PRSS41: variants seen among roughly 807,000 people sequenced by gnomAD.
The protein encoded by PRSS41 is serine protease 41, also known as protease, serine 41.
PRSS41 carries 37 observed loss-of-function variants against 28.8 expected under a neutral mutation model. The ratio of observed to expected loss-of-function variants is 1.29; its 90% CI spans 0.99 to 1.69. The LOEUF is 1.69. Ranked by LOEUF, PRSS41 falls within the 40% of genes most tolerant of loss-of-function variation. PRSS41 has a pLI of 0.00. For synonymous variants in PRSS41, 195 were observed against 163.1 expected (o/e 1.20, Z -1.49); for missense variants, 431 against 400.7 (o/e 1.08, Z -0.65).
At chr16:2,801,071 T>C (rs1480372526) in intron 4 of PRSS41, among the ~76,000 whole-genome samples, 1 of 152,166 alleles carries the variant, frequency 6.6e-6, no homozygotes, top group Non-Finnish European at 1.5e-5. Flanking sequence ...ACTCCTGACC[T>C]CAGGTGAACT....
exon 6 of PRSS41, chr16:2,805,013 G>T: frequency 6.4e-7 from 1 of 1,569,904 alleles, no homozygotes; most frequent in Non-Finnish European, 8.6e-7. Context: ...CAATCGGCCT[G>T]GTGTCTACAC....
At chr16:2,800,439 G>A (rs2068978424) in intron 4 of PRSS41, among the ~76,000 whole-genome samples, 1 of 151,748 alleles carries the variant, frequency 6.6e-6, no homozygotes, top group African/African-American at 2.4e-5. Flanking sequence ...TCCTTGGGAG[G>A]CTGAGGCAGG....
intron 4 of PRSS41, among the ~76,000 whole-genome samples, chr16:2,801,199 A>G (rs2068983470): frequency 6.6e-6 from 1 of 151,972 alleles, no homozygotes; most frequent in African/African-American, 2.4e-5. Context: ...AGAACTGTCT[A>G]TTTCTCCCAC....
intron 4 of PRSS41, among the ~76,000 whole-genome samples, chr16:2,804,145 C>T (rs1172361515): frequency 6.6e-6 from 1 of 152,210 alleles, no homozygotes; most frequent in East Asian, 1.9e-4. Context: ...CATCTCCATT[C>T]TACAGATAGA....
At chr16:2,800,501 C>G (rs1275820661) in intron 4 of PRSS41, among the ~76,000 whole-genome samples, 1 of 143,284 alleles carries the variant, frequency 7.0e-6, no homozygotes, top group African/African-American at 2.6e-5. Flanking sequence ...CGAGATGGCA[C>G]CACTGCATTC....
exon 4 of PRSS41, chr16:2,799,339 C>G: frequency 6.4e-7 from 1 of 1,551,730 alleles, no homozygotes. Flanking sequence ...ACTTCCAGGC[C>G]AACTCCTTGG....
chr16:2,805,248 G>A (rs1311842723), exon 6 of PRSS41: 7 of 754,884 alleles, frequency 9.3e-6, no homozygotes, highest in Non-Finnish European at 1.5e-5. Flanking sequence ...ACTGCCTGCT[G>A]GATCAGATTC....
intron 4 of PRSS41, among the ~76,000 whole-genome samples, chr16:2,800,251 A>G (rs907989361): frequency 6.6e-6 from 1 of 152,188 alleles, no homozygotes; most frequent in South Asian, 2.1e-4. Context: ...ATATGGCATA[A>G]AAGATAAAAA....
At chr16:2,804,837 C>A in intron 5 of PRSS41, 77 bp from the exon 6 acceptor site, 2 of 1,147,208 alleles carry the variant, frequency 1.7e-6, no homozygotes, top group Non-Finnish European at 2.6e-6. Context: ...CCTAGCCCCA[C>A]AGCCCCTCCT....
chr16:2,801,981 ACCTC>A (rs2068990058), intron 4 of PRSS41, among the ~76,000 whole-genome samples: 2 of 135,220 alleles, frequency 1.5e-5, no homozygotes, highest in South Asian at 4.7e-4. Flanking sequence ...TGACCCCCCC[ACCTC>A]CCTCCCGGAC....
exon 6 of PRSS41, chr16:2,805,087 C>T: frequency 6.4e-7 from 1 of 1,551,840 alleles, no homozygotes; most frequent in East Asian, 2.4e-5. Flanking sequence ...CCAGGCCAAA[C>T]CCCTCCCAGC....
chr16:2,800,476 G>A (rs912783799), intron 4 of PRSS41, among the ~76,000 whole-genome samples: 1 of 146,474 alleles, frequency 6.8e-6, no homozygotes, highest in Non-Finnish European at 1.5e-5. Context: ...GTGAGGGGCA[G>A]AGGTTTCAGC....
chr16:2,804,923 G>T, exon 6 of PRSS41: 1 of 1,583,530 alleles, frequency 6.3e-7, no homozygotes. Context: ...GGGTGACTCA[G>T]GTGGACCCTT....
chr16:2,805,064 T>G lies in PRSS41; in HGVS notation c.850T>G (p.Ser284Ala), dbSNP rs139573477. The change falls in exon 6 of 6, where the codon TCC becomes GCC. Residue 284 changes from serine to alanine, a missense_variant. Physicochemically the swap from Ser to Ala is moderately conservative, Grantham distance 99 (BLOSUM62 1). Coordinates refer to ENST00000399677, the Ensembl canonical transcript of PRSS41. ...CTTCCACTGGATCCGGAGGGTGATG[T>G]CCCACAGTACACCCAGGCCAAACCC... 200 of 1,552,538 alleles carry G rather than the reference T, an allele frequency of 1.3e-4. No individual in the cohort carries two copies. In the African/African-American group the frequency reaches 2.5e-3, roughly 19 times the overall value.
intron 4 of PRSS41, among the ~76,000 whole-genome samples, chr16:2,802,369 C>G (rs2068994598): frequency 2.0e-5 from 3 of 151,076 alleles, no homozygotes; most frequent in African/African-American, 7.3e-5. Context: ...GGGATGGCGG[C>G]CGGGCGGAGA....
At chr16:2,800,021 T>C (rs895402198) in intron 4 of PRSS41, among the ~76,000 whole-genome samples, 2 of 152,246 alleles carry the variant, frequency 1.3e-5, no homozygotes, top group African/African-American at 4.8e-5. Flanking sequence ...GAGATATGCA[T>C]CATGAGGCAC....
intron 3 of PRSS41, 26 bp from the exon 4 acceptor site, chr16:2,799,259 TC>T (rs767419933): frequency 1.8e-4 from 285 of 1,549,056 alleles, no homozygotes; most frequent in Non-Finnish European, 3.2e-5. Context: ...ATTCCAAGGC[TC>T]CCCGCCCTCT....
At chr16:2,798,908 G>GGGCCCCCCC in intron 2 of PRSS41, 51 bp from the exon 3 acceptor site, 2 of 1,415,404 alleles carry the variant, frequency 1.4e-6, no homozygotes, top group Non-Finnish European at 1.9e-6. Flanking sequence ...GGGCGGGCCT[G>GGGCCCCCCC]CCCACCCCAC....
Position 2,799,302 on chromosome 16 carries a change from G to T in PRSS41, c.274G>T (p.Glu92Ter). ...TTCTGCTAGGCACTACTATCCCTCC[G>T]AGTGGACGGTCCAGCTGGGCGAGCT... is the stretch of plus-strand genomic sequence containing the variant. Residue 92 changes from glutamate to a stop codon, truncating the protein, a stop_gained, in exon 4 of 6, where the codon GAG becomes TAG. Coordinates refer to ENST00000399677, the Ensembl canonical transcript of PRSS41. LOFTEE classifies it high-confidence loss of function. 1 of 1,551,490 alleles carries T rather than the reference G, an allele frequency of 6.4e-7. No individual in the cohort carries two copies. The highest frequency in any genetic ancestry group is 1.2e-5 in the South Asian group (1 of 84,008).
Sources: gnomAD v4.1 joint callset for allele counts (sites outside exome capture counted in the v4.1 genomes callset) on GRCh38, gnomAD v4.1.1 for gene constraint, MANE v1.5 for transcripts, NCBI Gene and HGNC (gene_info 2026-07-23, HGNC 2026-07-21) for gene names.